PFKFB4: variants seen among roughly 807,000 people sequenced by gnomAD.
PFKFB4 encodes 6-phosphofructo-2-kinase/fructose-2,6-biphosphatase 4.
PFKFB4 carries 42 observed loss-of-function variants against 62.8 expected under a neutral mutation model. That is an observed-to-expected ratio of 0.67 (90% confidence interval 0.52 to 0.86). The LOEUF (loss-of-function observed/expected upper bound fraction) is 0.86, where lower values mean the gene tolerates loss of function less well. Among genes scored for constraint, PFKFB4 ranks in the 40% least tolerant of loss-of-function variants. PFKFB4 has a pLI of 0.00. For missense variants in PFKFB4, 475 were observed against 627.2 expected (o/e 0.76, Z 2.59); for synonymous variants, 204 against 240.7 (o/e 0.85, Z 1.41).
chr3:48,547,198 T>C (rs1234421299), intron 3 of PFKFB4, among the ~76,000 whole-genome samples: 1 of 152,220 alleles, frequency 6.6e-6, no homozygotes, highest in Admixed American at 6.5e-5. Context: ...GTAATGGCCC[T>C]TGAATTACGT....
chr3:48,539,358 A>T (rs982735922), intron 5 of PFKFB4, 48 bp from the exon 6 acceptor site: 1 of 1,536,134 alleles, frequency 6.5e-7, no homozygotes, highest in African/African-American at 1.4e-5. Context: ...AGGAACACGG[A>T]CATGTTCAGG....
At chr3:48,550,591 A>G (rs1209861923) in intron 1 of PFKFB4, among the ~76,000 whole-genome samples, 3 of 152,136 alleles carry the variant, frequency 2.0e-5, no homozygotes, top group African/African-American at 7.2e-5. Flanking sequence ...CCAGCAGGGT[A>G]ATCAACACCC....
chr3:48,519,816 A>G lies in PFKFB4; in HGVS notation c.1351-10T>C. Reference sequence around the variant, plus strand: ...TTGAGATGTCCACGTTCTGTACAATAAAAACACAGAGCGTTCACTCCATGG... The same window carrying G: ...TTGAGATGTCCACGTTCTGTACAATGAAAACACAGAGCGTTCACTCCATGG... On this transcript the variant is annotated splice_polypyrimidine_tract_variant and intron_variant, in intron 13 of 13. Coordinates refer to ENST00000232375, the MANE Select transcript of PFKFB4 (RefSeq NM_004567.4). 1.2e-6 allele frequency: 2 copies of G among 1,611,032 alleles called. No individual in the cohort carries two copies. Among genetic ancestry groups the G allele is most frequent in the Non-Finnish European group, 1.7e-6 (2 of 1,177,270 alleles).
chr3:48,559,584 C>A, upstream of PFKFB4: 2 of 456,984 alleles, frequency 4.4e-6, no homozygotes. Flanking sequence ...AGCGGATGCC[C>A]GGTAGAATCT....
intron 3 of PFKFB4, 52 bp from the exon 4 acceptor site, chr3:48,543,698 A>T: frequency 2.8e-6 from 4 of 1,430,870 alleles, no homozygotes; most frequent in Non-Finnish European, 3.9e-6. Flanking sequence ...TGGCTCCAGG[A>T]GGGTGGCCAG....
chr3:48,560,786 C>G (rs79895707), upstream of PFKFB4, among the ~76,000 whole-genome samples: 4,588 of 152,334 alleles, frequency 0.03, 101 homozygotes, highest in Middle Eastern at 0.048. Flanking sequence ...AAGAGCAGAG[C>G]AGGAGGGCCT....
rs189979050 is a variant in PFKFB4 at position 48,553,004 on chromosome 3, C to T, written c.98-2770G>A. ...AGTGTATCACAACAGCTCTGCTTAC[C>T]ATAGCAAAACACTGGGAAATTCCAG... On this transcript the variant is annotated intron_variant, in intron 1 of 13. Transcript: ENST00000232375. 2.6e-5 allele frequency among the ~76,000 whole-genome samples: 4 copies of T among 152,306 alleles called. No homozygotes were observed. In the East Asian group the frequency reaches 7.7e-4, roughly 29 times the overall value.
upstream of PFKFB4, among the ~76,000 whole-genome samples, chr3:48,561,380 T>G (rs932834206): frequency 6.6e-6 from 1 of 152,266 alleles, no homozygotes; most frequent in African/African-American, 2.4e-5. The surrounding 1 kb of genome is among the most constrained non-coding windows in gnomAD (Gnocchi z 5.2). Context: ...TGCCTTCATG[T>G]CCACCTAGAG....
At chr3:48,519,871 C>T in intron 13 of PFKFB4, 65 bp from the exon 14 acceptor site, 8 of 1,291,754 alleles carry the variant, frequency 6.2e-6, no homozygotes, top group South Asian at 1.2e-5. Flanking sequence ...TGCTGTCTGC[C>T]GTCCTCATCA....
chr3:48,551,825 G>A (rs570908859), intron 1 of PFKFB4, among the ~76,000 whole-genome samples: 7 of 152,230 alleles, frequency 4.6e-5, no homozygotes, highest in East Asian at 3.9e-4. Flanking sequence ...GATTACAGGC[G>A]TGAGCCCAGC....
At chr3:48,558,057 A>G (rs529822789), upstream of PFKFB4, among the ~76,000 whole-genome samples, 3 of 152,324 alleles carry the variant, frequency 2.0e-5, no homozygotes, top group East Asian at 5.8e-4. Flanking sequence ...GTATTACAGT[A>G]TAAATTAAGT....
Position 48,523,747 on chromosome 3 carries a change from C to G in PFKFB4, c.1176G>C (p.Gln392His). The part of the protein sequence containing the change: ...RQENVLVICH[Q>H]AVMRCLLAYF... ...AGGCCAGCAGGCAGCGCATCACAGC[C>G]TGGTGGCAGATGACCAGCACATTCT... is the stretch of plus-strand genomic sequence containing the variant. Residue 392 changes from glutamine (Q) to histidine (H), a missense_variant, in exon 11 of 14, where the codon CAG becomes CAC. Coordinates refer to ENST00000232375, the MANE Select transcript of PFKFB4 (RefSeq NM_004567.4). 1.2e-6 allele frequency: 2 copies of G among 1,614,206 alleles called. No homozygotes were observed. The highest frequency in any genetic ancestry group is 1.7e-6 in the Non-Finnish European group (2 of 1,180,040).
At chr3:48,552,243 T>A (rs2043177936) in intron 1 of PFKFB4, among the ~76,000 whole-genome samples, 1 of 152,230 alleles carries the variant, frequency 6.6e-6, no homozygotes, top group African/African-American at 2.4e-5. Context: ...CCCTCTGTCC[T>A]ACCCTGGCGG....
At chr3:48,527,510 T>C (rs1309366577) in intron 9 of PFKFB4, among the ~76,000 whole-genome samples, 1 of 151,974 alleles carries the variant, frequency 6.6e-6, no homozygotes, top group Non-Finnish European at 1.5e-5. Context: ...GAACTAAAAA[T>C]GTGGAAGTGG....
intron 4 of PFKFB4, among the ~76,000 whole-genome samples, chr3:48,542,333 C>CA (rs1229597350): frequency 0.035 from 2,072 of 58,424 alleles, 83 homozygotes; most frequent in African/African-American, 0.11. Context: ...GACTCCATCT[C>CA]AAAAAAAAAA....
At chr3:48,550,321 G>A (rs1385814198) in intron 1 of PFKFB4, 87 bp from the exon 2 acceptor site, 2 of 851,540 alleles carry the variant, frequency 2.3e-6, no homozygotes, top group Non-Finnish European at 4.0e-6. Flanking sequence ...CTCAGCCTCA[G>A]GGCATGGGAC....
intron 8 of PFKFB4, 58 bp downstream of exon 8, chr3:48,536,198 C>T: frequency 6.6e-7 from 1 of 1,507,680 alleles, no homozygotes; most frequent in Admixed American, 1.7e-5. Flanking sequence ...TGCATATACC[C>T]AGCCACGCAG....
At chr3:48,554,785 C>T (rs891323753) in intron 1 of PFKFB4, among the ~76,000 whole-genome samples, 10 of 152,182 alleles carry the variant, frequency 6.6e-5, no homozygotes, top group Non-Finnish European at 1.3e-4. Context: ...GGCATGGCAG[C>T]TCATGCCTGT....
intron 9 of PFKFB4, among the ~76,000 whole-genome samples, chr3:48,527,684 C>CCTTT (rs1491452453): frequency 2.6e-4 from 32 of 121,206 alleles, no homozygotes; most frequent in African/African-American, 9.2e-4. Flanking sequence ...CGTCCATCAT[C>CCTTT]TTTTTTTTTT....
Sources: gnomAD v4.1 joint callset for allele counts (sites outside exome capture counted in the v4.1 genomes callset) on GRCh38, gnomAD v4.1.1 for gene constraint, Gnocchi (gnomAD v3.1) non-coding constraint, MANE v1.5 for transcripts, NCBI Gene and HGNC (gene_info 2026-07-23, HGNC 2026-07-21) for gene names.